Variants in AGBL4 observed in about 807,000 individuals in gnomAD.
AGBL4 encodes AGBL carboxypeptidase 4, also known as cytosolic carboxypeptidase 6.
A neutral mutation model predicts 66.4 loss-of-function variants in AGBL4; 58 were observed. The ratio of observed to expected loss-of-function variants is 0.87; its 90% confidence interval spans 0.71 to 1.09. The LOEUF is 1.09. Ranked by LOEUF, AGBL4 falls within the 50% of genes least tolerant of loss-of-function variation. The pLI is 0.00. For synonymous variants in AGBL4, 234 were observed against 222.9 expected, an observed-to-expected ratio of 1.05 and a Z score of -0.44; for missense variants, 579 against 631.0, an observed-to-expected ratio of 0.92 and a Z score of 0.88.
chr1:49,578,204 G>A (rs992144045), intron 3 of AGBL4, among the ~76,000 whole-genome samples: 5 of 152,078 alleles, frequency 3.3e-5, no homozygotes, highest in South Asian at 2.1e-4. Context: ...TGGTTGACCC[G>A]GACTATCAAG....
At position 49,484,905 on chromosome 1, in the gene AGBL4, T is replaced by C. The variant is rs564479083; in HGVS notation, c.282+212408A>G. Among the ~76,000 whole-genome samples the C allele has an allele frequency of 1.1e-4, 16 of 151,928 alleles. 1 individual carries two copies. The East Asian group carries it at 3.1e-3, about 30-fold the overall frequency. ...TATGTACCCACAAAAGTTAAAAACT[T>C]TTAAAAATCTTTATAAATGTAAAAG... is the stretch of plus-strand genomic sequence containing the variant. On this transcript the variant is annotated intron_variant, in intron 3 of 13. Transcript: ENST00000371839.
chr1:48,908,702 A>G (rs937340355), intron 5 of AGBL4, among the ~76,000 whole-genome samples: 1 of 147,868 alleles, frequency 6.8e-6, no homozygotes, highest in African/African-American at 2.6e-5. Context: ...TTATTTTTCC[A>G]TTCTACTGCT....
intron 3 of AGBL4, among the ~76,000 whole-genome samples, chr1:49,293,957 C>T (rs1644592925): frequency 6.6e-6 from 1 of 152,090 alleles, no homozygotes; most frequent in African/African-American, 2.4e-5. Context: ...TATGATTTTT[C>T]AGCTCTGGAG....
chr1:49,033,610 C>T (rs1229403493), intron 5 of AGBL4, among the ~76,000 whole-genome samples: 1 of 151,996 alleles, frequency 6.6e-6, no homozygotes, highest in African/African-American at 2.4e-5. Context: ...CCTCTCTCAC[C>T]TCCTTTCCGA....
At chr1:48,891,253 C>T (rs1650932492) in intron 5 of AGBL4, among the ~76,000 whole-genome samples, 1 of 151,304 alleles carries the variant, frequency 6.6e-6, no homozygotes, top group Non-Finnish European at 1.5e-5. Context: ...GATCAGGTCA[C>T]AGGAGTCAGT....
At chr1:49,198,157 G>A (rs769487672) in intron 4 of AGBL4, among the ~76,000 whole-genome samples, 2 of 151,800 alleles carry the variant, frequency 1.3e-5, no homozygotes, top group African/African-American at 2.4e-5. Context: ...CATGACAGAG[G>A]GATACTCACA....
intron 5 of AGBL4, among the ~76,000 whole-genome samples, chr1:48,945,022 T>A (rs1331409566): frequency 6.6e-6 from 1 of 152,196 alleles, no homozygotes; most frequent in African/African-American, 2.4e-5. Context: ...ACTATGTGAT[T>A]ACTGCATTAG....
chr1:48,704,252 A>G (rs1646847115), intron 6 of AGBL4, among the ~76,000 whole-genome samples: 1 of 152,264 alleles, frequency 6.6e-6, no homozygotes, highest in Non-Finnish European at 1.5e-5. Flanking sequence ...CACTTACAGT[A>G]TAAAACAGAG....
intron 3 of AGBL4, among the ~76,000 whole-genome samples, chr1:49,274,191 G>A (rs1420160165): frequency 6.6e-6 from 1 of 152,050 alleles, no homozygotes; most frequent in East Asian, 1.9e-4. Flanking sequence ...GATATCAACT[G>A]TTTTAAATCT....
At chr1:49,856,314 T>A (rs1332506013) in intron 1 of AGBL4, among the ~76,000 whole-genome samples, 2 of 152,024 alleles carry the variant, frequency 1.3e-5, no homozygotes, top group African/African-American at 4.8e-5. Flanking sequence ...CCAAACTTTT[T>A]AAAAAGAACC....
intron 6 of AGBL4, among the ~76,000 whole-genome samples, chr1:48,713,741 T>G (rs1377738241): frequency 6.6e-6 from 1 of 152,164 alleles, no homozygotes; most frequent in African/African-American, 2.4e-5. Flanking sequence ...CTCCCCTCTC[T>G]GCTTGGCCAG....
chr1:49,593,909 T>C (rs923898062), intron 3 of AGBL4, among the ~76,000 whole-genome samples: 1 of 152,026 alleles, frequency 6.6e-6, no homozygotes, highest in Non-Finnish European at 1.5e-5. Flanking sequence ...TATTAAAGCA[T>C]TGAAAAAAGG....
intron 6 of AGBL4, among the ~76,000 whole-genome samples, chr1:48,702,344 T>A (rs1203667405): frequency 6.6e-6 from 1 of 151,942 alleles, no homozygotes; most frequent in African/African-American, 2.4e-5. Flanking sequence ...CAGGCTGGAG[T>A]GCAATGACAC....
chr1:49,808,232 T>A (rs1374065951), intron 2 of AGBL4, among the ~76,000 whole-genome samples: 1 of 152,176 alleles, frequency 6.6e-6, no homozygotes, highest in Non-Finnish European at 1.5e-5. Flanking sequence ...TCCAATTGCT[T>A]CTATTTTCTC....
intron 6 of AGBL4, among the ~76,000 whole-genome samples, chr1:48,769,699 G>A (rs753634205): frequency 2.6e-5 from 4 of 152,138 alleles, no homozygotes; most frequent in Non-Finnish European, 4.4e-5. Context: ...GTCCACTGTA[G>A]TTCCTAACAG....
At chr1:49,052,917 G>A (rs1330095577) in intron 4 of AGBL4, among the ~76,000 whole-genome samples, 1 of 152,196 alleles carries the variant, frequency 6.6e-6, no homozygotes, top group Non-Finnish European at 1.5e-5. Flanking sequence ...TAGAACTAAT[G>A]TGGGTTTAGG....
chr1:49,827,172 T>C (rs1645532205), intron 2 of AGBL4, among the ~76,000 whole-genome samples: 1 of 152,110 alleles, frequency 6.6e-6, no homozygotes, highest in African/African-American at 2.4e-5. Context: ...TGTTGCCCTC[T>C]GAAAATCACA....
At chr1:48,668,294 C>T (rs1321899966) in intron 6 of AGBL4, among the ~76,000 whole-genome samples, 1 of 152,178 alleles carries the variant, frequency 6.6e-6, no homozygotes, top group Non-Finnish European at 1.5e-5. Flanking sequence ...GTGCCAGCAC[C>T]ACCCTTTCCA....
At chr1:49,986,697 C>T (rs1304284010) in intron 1 of AGBL4, among the ~76,000 whole-genome samples, 1 of 152,052 alleles carries the variant, frequency 6.6e-6, no homozygotes, top group Non-Finnish European at 1.5e-5. Context: ...ACTAATTTCT[C>T]ACACATTTCT....
Sources: gnomAD v4.1 joint callset for allele counts (sites outside exome capture counted in the v4.1 genomes callset) on GRCh38, gnomAD v4.1.1 for gene constraint, MANE v1.5 for transcripts, NCBI Gene and HGNC (gene_info 2026-07-23, HGNC 2026-07-21) for gene names.